Variants in DLC1 observed in about 807,000 individuals in gnomAD.
The protein encoded by DLC1 is rho GTPase-activating protein 7.
In DLC1, 54 loss-of-function variants were observed where a neutral mutation model predicts 140.3. That is an observed-to-expected ratio of 0.38 (90% CI 0.31 to 0.48). DLC1 has a LOEUF of 0.48. Among genes scored for constraint, DLC1 ranks in the 20% least tolerant of loss-of-function variants. The pLI is 0.96. For missense variants in DLC1, 2,536 were observed against 1,907.0 expected, an observed-to-expected ratio of 1.33 and a Z score of -6.14; for synonymous variants, 986 against 728.1, an observed-to-expected ratio of 1.35 and a Z score of -5.70.
chr8:13,286,750 A>T (rs1291577615), intron 5 of DLC1, among the ~76,000 whole-genome samples: 2 of 151,880 alleles, frequency 1.3e-5, no homozygotes, highest in Non-Finnish European at 2.9e-5. Context: ...AAACACATGA[A>T]AAAAGTGAAA....
chr8:13,282,612 T>C (rs1831403668), intron 5 of DLC1, among the ~76,000 whole-genome samples: 1 of 152,200 alleles, frequency 6.6e-6, no homozygotes, highest in Non-Finnish European at 1.5e-5. Flanking sequence ...TTGTTCTTCA[T>C]TTTATTTTAT....
chr8:13,405,862 CTTTTCTTTTCTT>C (rs891794242), intron 2 of DLC1, among the ~76,000 whole-genome samples: 11 of 142,046 alleles, frequency 7.7e-5, no homozygotes, highest in East Asian at 4.7e-4. Context: ...GTCTTTCTCT[CTTTTCTTTTCTT>C]TTTTCTTTTC....
chr8:13,184,878 G>C (rs143054468), intron 5 of DLC1, among the ~76,000 whole-genome samples: 21 of 152,244 alleles, frequency 1.4e-4, no homozygotes, highest in African/African-American at 4.8e-4. Context: ...TCACTGATTT[G>C]TTTAATATTG....
intron 3 of DLC1, among the ~76,000 whole-genome samples, chr8:13,395,208 C>T (rs411022): frequency 0.37 from 55,412 of 151,214 alleles, 10,680 homozygotes; most frequent in East Asian, 0.77. Flanking sequence ...GCAGCCTCCA[C>T]CTCCTGAGTT....
chr8:13,313,386 A>G (rs1421500492), intron 4 of DLC1, among the ~76,000 whole-genome samples: 1 of 152,220 alleles, frequency 6.6e-6, no homozygotes, highest in Admixed American at 6.5e-5. Flanking sequence ...GAAACAAAAA[A>G]TTAGAGGTGA....
At chr8:13,368,298 T>A (rs1243618658) in intron 4 of DLC1, among the ~76,000 whole-genome samples, 1 of 152,098 alleles carries the variant, frequency 6.6e-6, no homozygotes, top group Non-Finnish European at 1.5e-5. Flanking sequence ...AAACTCAAAT[T>A]CATACGTTCC....
chr8:13,312,241 G>C (rs1014421031), intron 4 of DLC1, among the ~76,000 whole-genome samples: 1 of 136,734 alleles, frequency 7.3e-6, no homozygotes, highest in African/African-American at 2.8e-5. Flanking sequence ...GGCGCCTGTA[G>C]TCCCAGCTAC....
chr8:13,549,673 G>A (rs1803778561), intron 1 of DLC1, among the ~76,000 whole-genome samples: 1 of 152,108 alleles, frequency 6.6e-6, no homozygotes, highest in African/African-American at 2.4e-5. Context: ...AAAAGAACAG[G>A]TTGATTGAAA....
chr8:13,407,973 C>A (rs570276972), intron 2 of DLC1, among the ~76,000 whole-genome samples: 1 of 151,110 alleles, frequency 6.6e-6, no homozygotes, highest in African/African-American at 2.4e-5. Flanking sequence ...GTTTTAAAAA[C>A]CAGAATGTTA....
At chr8:13,230,248 C>G (rs1210025352) in intron 5 of DLC1, among the ~76,000 whole-genome samples, 1 of 152,280 alleles carries the variant, frequency 6.6e-6, no homozygotes, top group South Asian at 2.1e-4. Flanking sequence ...TCATAAATAC[C>G]TTGTTCAAGA....
chr8:13,257,999 G>C lies in DLC1; in HGVS notation c.1348+47270C>G, dbSNP rs1830319451. Among the ~76,000 whole-genome samples, 3 of 152,216 alleles carry C rather than the reference G, an allele frequency of 2.0e-5. No individual in the cohort carries two copies. In the South Asian group the frequency reaches 6.2e-4, roughly 31 times the overall value. On this transcript the variant is annotated intron_variant, in intron 5 of 17. Transcript: ENST00000276297. Reference sequence around the variant, plus strand: ...AATAAAATACATGTAAGTACCAACAGCGGACTTCTCCAAGGCTATAAAGTA... The same window carrying C: ...AATAAAATACATGTAAGTACCAACACCGGACTTCTCCAAGGCTATAAAGTA...
intron 5 of DLC1, among the ~76,000 whole-genome samples, chr8:13,245,414 G>C (rs760181607): frequency 1.8e-4 from 28 of 152,318 alleles, no homozygotes; most frequent in Non-Finnish European, 3.7e-4. Flanking sequence ...CACAATAAGT[G>C]GTTGTTTTAC....
At chr8:13,165,358 T>C (rs531873970) in intron 5 of DLC1, among the ~76,000 whole-genome samples, 3 of 152,182 alleles carry the variant, frequency 2.0e-5, no homozygotes, top group African/African-American at 7.2e-5. Context: ...AGGCAAGGAA[T>C]TTGAAGAGGT....
chr8:13,287,196 G>A (rs939191470), intron 5 of DLC1, among the ~76,000 whole-genome samples: 3 of 152,134 alleles, frequency 2.0e-5, no homozygotes, highest in African/African-American at 7.2e-5. Flanking sequence ...TTACTGGCTT[G>A]GGCTTTCTGG....
At chr8:13,381,933 C>G (rs546233726) in intron 4 of DLC1, among the ~76,000 whole-genome samples, 1 of 152,126 alleles carries the variant, frequency 6.6e-6, no homozygotes, top group South Asian at 2.1e-4. Flanking sequence ...CAGGTGGATG[C>G]TAGACAGATG....
At chr8:13,345,921 G>T (rs1834314585) in intron 4 of DLC1, among the ~76,000 whole-genome samples, 1 of 152,110 alleles carries the variant, frequency 6.6e-6, no homozygotes. Context: ...TTTATCTTAG[G>T]GAGGCTCATA....
chr8:13,439,843 T>C (rs1798409093), intron 2 of DLC1, among the ~76,000 whole-genome samples: 2 of 152,144 alleles, frequency 1.3e-5, no homozygotes, highest in Non-Finnish European at 2.9e-5. Context: ...TCACTACTCA[T>C]CTGTGATGAG....
chr8:13,437,703 C>T (rs1181876452), intron 2 of DLC1, among the ~76,000 whole-genome samples: 1 of 152,146 alleles, frequency 6.6e-6, no homozygotes, highest in African/African-American at 2.4e-5. Context: ...GCCTCTGAGC[C>T]TATCTTTCAG....
At chr8:13,242,174 C>G (rs1261531259) in intron 5 of DLC1, among the ~76,000 whole-genome samples, 2 of 152,068 alleles carry the variant, frequency 1.3e-5, no homozygotes, top group African/African-American at 4.8e-5. Flanking sequence ...ATCTTGTCTT[C>G]TTAGTCCTCA....
Sources: allele counts gnomAD v4.1 joint callset (sites outside exome capture counted in the v4.1 genomes callset), GRCh38; gene constraint gnomAD v4.1.1; transcripts MANE v1.5; gene names NCBI Gene and HGNC (gene_info 2026-07-23, HGNC 2026-07-21).